The following ATXN1L variants were observed in gnomAD, a reference collection of about 807,000 sequenced individuals.
ATXN1L encodes ataxin-1-like.
In ATXN1L, 8 loss-of-function variants were observed where a neutral mutation model predicts 43.4. The observed-to-expected ratio is 0.18, with a 90% CI of 0.11 to 0.33. ATXN1L has a LOEUF of 0.33. Among genes scored for constraint, ATXN1L ranks in the 10% least tolerant of loss-of-function variants. ATXN1L has a pLI of 1.00. For missense variants in ATXN1L, 856 were observed against 885.4 expected, an observed-to-expected ratio of 0.97 and a Z score of 0.42; for synonymous variants, 379 against 360.6, an observed-to-expected ratio of 1.05 and a Z score of -0.58.
chr16:71,852,527 G>T lies in ATXN1L; in HGVS notation c.*717G>T, dbSNP rs2033514977. 1 of 167,160 alleles carries T rather than the reference G, an allele frequency of 6.0e-6. No homozygotes were observed. Among genetic ancestry groups the T allele is most frequent in the African/African-American group, 2.4e-5 (1 of 41,454 alleles). The allele number at this position is 167,160 out of a possible 1,614,324, so 10.4% of individuals were successfully genotyped here. ...CAGAGTGAAGTACTACCTTGCCAGG[G>T]ACTCAGTCAGGGGACTTTGGGAGAA... is the stretch of plus-strand genomic sequence containing the variant. On this transcript the variant is annotated 3_prime_UTR_variant, in exon 3 of 3. Coordinates refer to ENST00000427980, the MANE Select transcript of ATXN1L (RefSeq NM_001137675.4).
chr16:71,855,359 G>T lies in ATXN1L; in HGVS notation c.*3549G>T, dbSNP rs1045784145. On this transcript the variant is annotated 3_prime_UTR_variant, in exon 3 of 3. Coordinates refer to ENST00000427980, the MANE Select transcript of ATXN1L (RefSeq NM_001137675.4). ...GTTGTATTAACTTCTTTCCTTTGTG[G>T]TATCTTGTATCCTGTTTTAAAAACT... is the stretch of plus-strand genomic sequence containing the variant. 6.0e-6 allele frequency: 1 copy of T among 167,026 alleles called. No homozygotes were observed. Among genetic ancestry groups the T allele is most frequent in the African/African-American group, 2.4e-5 (1 of 41,442 alleles). The allele number at this position is 167,026 out of a possible 1,614,324, so 10.3% of individuals were successfully genotyped here. A position where few individuals can be genotyped will look rare whatever the true frequency, so the allele number is the denominator to read the frequency against.
rs1256114087 is a variant in ATXN1L at position 71,854,598 on chromosome 16, T to C, written c.*2788T>C. 1 of 167,052 alleles carries C rather than the reference T, an allele frequency of 6.0e-6. No homozygotes were observed. The highest frequency in any genetic ancestry group is 1.5e-5 in the Non-Finnish European group (1 of 68,114). 10.3% of individuals were successfully genotyped at this position (167,052 alleles called of 1,614,324 possible). A position where few individuals can be genotyped will look rare whatever the true frequency, so the allele number is the denominator to read the frequency against. On this transcript the variant is annotated 3_prime_UTR_variant, in exon 3 of 3. Coordinates refer to ENST00000427980, the MANE Select transcript of ATXN1L (RefSeq NM_001137675.4). Reference sequence around the variant, plus strand: ...CCAGGCATGAAAAATATGACTAACCTGTGGTGTGTCCATTCTTCCTTATAG... The same window carrying C: ...CCAGGCATGAAAAATATGACTAACCCGTGGTGTGTCCATTCTTCCTTATAG...
At position 71,852,027 on chromosome 16, in the gene ATXN1L, G is replaced by C. The variant is rs530157285; in HGVS notation, c.*217G>C. ...CAACCCCAGAGGGTGTTGTGATGGGGAGCAGCAGGCCTGGGGCAAGGAAGG... is the reference window on the plus strand; with the variant it reads ...CAACCCCAGAGGGTGTTGTGATGGGCAGCAGCAGGCCTGGGGCAAGGAAGG... On this transcript the variant is annotated 3_prime_UTR_variant, in exon 3 of 3. Coordinates refer to ENST00000427980, the MANE Select transcript of ATXN1L (RefSeq NM_001137675.4). 6 of 442,762 alleles carry C rather than the reference G, an allele frequency of 1.4e-5. No individual in the cohort carries two copies. Among genetic ancestry groups the C allele is most frequent in the Middle Eastern group, 6.1e-4 (1 of 1,628 alleles). 27.4% of individuals were successfully genotyped at this position (442,762 alleles called of 1,614,324 possible).
chr16:71,851,748 C>A lies in ATXN1L; in HGVS notation c.2008C>A (p.Pro670Thr). The A allele has an allele frequency of 6.9e-7, 1 of 1,451,128 alleles. No homozygotes were observed. Among genetic ancestry groups the A allele is most frequent in the Non-Finnish European group, 9.1e-7 (1 of 1,097,842 alleles). The allele number at this position is 1,451,128 out of a possible 1,614,324, so 89.9% of individuals were successfully genotyped here. A position where few individuals can be genotyped will look rare whatever the true frequency, so the allele number is the denominator to read the frequency against. The change falls in exon 3 of 3, where the codon CCC becomes ACC. Residue 670 changes from proline to threonine, a missense_variant. This residue lies in a region of ATXN1L where 185 missense variants were observed against 176.8 expected (regional missense o/e 1.05). Transcript: ENST00000427980. This position sits in a 1 kb window ranked among gnomAD's most constrained non-coding sequence, Gnocchi z 4.9. The part of the protein sequence containing the change: ...GEEARAALLR[P>T]SFIPQEVKLS... ...GGAGGCACGGGCTGCGCTGCTCCGT[C>A]CCTCTTTCATTCCACAGGAGGTAAA...
rs2033554436 is a variant in ATXN1L at position 71,856,644 on chromosome 16, A to G, written c.*4834A>G. 1 of 167,112 alleles carries G rather than the reference A, an allele frequency of 6.0e-6. No individual in the cohort carries two copies. Among genetic ancestry groups the G allele is most frequent in the South Asian group, 2.1e-4 (1 of 4,830 alleles). The allele number at this position is 167,112 out of a possible 1,614,324, so 10.4% of individuals were successfully genotyped here. ...GACTGACTGTACTCATGGCTAACTT[A>G]AAGTATTAAAATAAGGCTGTCCCCT... On this transcript the variant is annotated 3_prime_UTR_variant, in exon 3 of 3. Transcript: ENST00000427980.
rs1301076837 is a variant in ATXN1L, at chr16:71,853,587, G to A, written c.*1777G>A. 2.4e-5 allele frequency: 4 copies of A among 167,140 alleles called. No homozygotes were observed. The East Asian group carries it at 7.7e-4, about 32-fold the overall frequency. The allele number at this position is 167,140 out of a possible 1,614,324, so 10.4% of individuals were successfully genotyped here. ...GTCAAGGACTTTCGGCAAGTCTCGT[G>A]ACCTCTGGCTCTTTCACTTCCTCCC... is the stretch of plus-strand genomic sequence containing the variant. On this transcript the variant is annotated 3_prime_UTR_variant, in exon 3 of 3. Coordinates refer to ENST00000427980, the MANE Select transcript of ATXN1L (RefSeq NM_001137675.4).
Position 71,849,688 on chromosome 16 carries a change from G to A in ATXN1L, c.-53G>A, listed in dbSNP as rs2033477522. ...AAGCTACAGAGAAGCCCCTTCTGAT[G>A]CCCCAGGGAGCAAGTCGACTCCTTC... On this transcript the variant is annotated 5_prime_UTR_variant, in exon 3 of 3. It removes an upstream start codon present in the reference 5' UTR. Transcript: ENST00000427980. 6.9e-7 allele frequency: 1 copy of A among 1,453,582 alleles called. No homozygotes were observed. Among genetic ancestry groups the A allele is most frequent in the Admixed American group, 2.8e-5 (1 of 35,956 alleles). 90.0% of individuals were successfully genotyped at this position (1,453,582 alleles called of 1,614,324 possible).
At position 71,852,533 on chromosome 16, in the gene ATXN1L, G is replaced by A. The variant is rs966429124; in HGVS notation, c.*723G>A. On this transcript the variant is annotated 3_prime_UTR_variant, in exon 3 of 3. Transcript: ENST00000427980. ...GAAGTACTACCTTGCCAGGGACTCA[G>A]TCAGGGGACTTTGGGAGAAAGACTT... is the stretch of plus-strand genomic sequence containing the variant. The A allele has an allele frequency of 3.0e-5, 5 of 167,212 alleles. No individual in the cohort carries two copies. Among genetic ancestry groups the A allele is most frequent in the Admixed American group, 2.6e-4 (4 of 15,294 alleles). 10.4% of individuals were successfully genotyped at this position (167,212 alleles called of 1,614,324 possible).
In ATXN1L at chr16:71,851,245, G is replaced by C; in HGVS notation, c.1505G>C (p.Gly502Ala). 6.4e-7 allele frequency: 1 copy of C among 1,551,700 alleles called. No individual in the cohort carries two copies. Among genetic ancestry groups the C allele is most frequent in the Non-Finnish European group, 8.7e-7 (1 of 1,146,998 alleles). The change falls in exon 3 of 3, where the codon GGG becomes GCG. Residue 502 changes from glycine (G) to alanine (A), a missense_variant. Physicochemically the swap from Gly to Ala is moderately conservative, Grantham distance 60 (BLOSUM62 0). This residue lies in a region of ATXN1L where 54 missense variants were observed against 56.6 expected (regional missense o/e 0.95). Transcript: ENST00000427980. The surrounding 1 kb of genome is among the most constrained non-coding windows in gnomAD (Gnocchi z 4.9). ...DFVRSAEVSG[G>A]LKIDSSTVVD... is the part of the protein sequence containing the mutation. ...GTGCGCAGTGCCGAAGTGAGCGGGG[G>C]GCTGAAGATTGACTCTAGCACGGTC... is the stretch of plus-strand genomic sequence containing the variant.
In ATXN1L at chr16:71,853,081, C is replaced by T. The variant is rs565565132; in HGVS notation, c.*1271C>T. 1 of 167,318 alleles carries T rather than the reference C, an allele frequency of 6.0e-6. No individual in the cohort carries two copies. The highest frequency in any genetic ancestry group is 1.9e-4 in the East Asian group (1 of 5,192). The allele number at this position is 167,318 out of a possible 1,614,324, so 10.4% of individuals were successfully genotyped here. A position where few individuals can be genotyped will look rare whatever the true frequency, so the allele number is the denominator to read the frequency against. The stretch of plus-strand genomic sequence containing the variant: ...CACATGTCCCATATGCCCCTCCTGT[C>T]TTATTCCACTGCTTCTCCCAGCATT... On this transcript the variant is annotated 3_prime_UTR_variant, in exon 3 of 3. Transcript: ENST00000427980.
At chr16:71,848,902 A>C (rs1257192509) in intron 2 of ATXN1L, among the ~76,000 whole-genome samples, 1 of 152,150 alleles carries the variant, frequency 6.6e-6, no homozygotes, top group Non-Finnish European at 1.5e-5. Flanking sequence ...TGGTAGCAAA[A>C]GGAGAAACTT....
chr16:71,846,019 C>T lies in ATXN1L; in HGVS notation c.-265C>T. On this transcript the variant is annotated 5_prime_UTR_variant, in exon 1 of 3. Coordinates refer to ENST00000427980, the MANE Select transcript of ATXN1L (RefSeq NM_001137675.4). ...GTGGGGGGCGCTGGGTGTGGGGCGG[C>T]TCCGGGGCCGGGGATGGCGGCGGCC... 1 of 184,488 alleles carries T rather than the reference C, an allele frequency of 5.4e-6. No homozygotes were observed. Among genetic ancestry groups the T allele is most frequent in the Non-Finnish European group, 1.1e-5 (1 of 87,066 alleles). The allele number at this position is 184,488 out of a possible 1,614,324, so 11.4% of individuals were successfully genotyped here.
chr16:71,854,019 A>C lies in ATXN1L; in HGVS notation c.*2209A>C, dbSNP rs2033530172. The C allele has an allele frequency of 6.0e-6, 1 of 167,062 alleles. No homozygotes were observed. The highest frequency in any genetic ancestry group is 1.5e-5 in the Non-Finnish European group (1 of 68,116). 10.3% of individuals were successfully genotyped at this position (167,062 alleles called of 1,614,324 possible). On this transcript the variant is annotated 3_prime_UTR_variant, in exon 3 of 3. Transcript: ENST00000427980. ...TCTTGAGGAATCCCCTCAAATGAGA[A>C]GGCCTTGGGAGAAGGCCTCATCTCT...
Position 71,850,718 on chromosome 16 carries a change from A to G in ATXN1L, c.978A>G (p.Ala326=). The change falls in exon 3 of 3, where the codon GCA becomes GCG. Residue 326 remains alanine, a synonymous_variant. Coordinates refer to ENST00000427980, the MANE Select transcript of ATXN1L (RefSeq NM_001137675.4). ...QTPRVEVAAP[A]HRGTPDTDLE... ...CACGGGTAGAGGTAGCAGCACCAGC[A>G]CACCGGGGGACCCCGGACACTGACC... 1.3e-6 allele frequency: 2 copies of G among 1,551,720 alleles called. No individual in the cohort carries two copies. Among genetic ancestry groups the G allele is most frequent in the Middle Eastern group, 1.7e-4 (1 of 5,992 alleles).
In ATXN1L at chr16:71,852,198, T is replaced by C. The variant is rs570746452; in HGVS notation, c.*388T>C. ...GTAAAGAAAGAGCCAAAAATGATGA[T>C]CCACAGCTTATAGTAGCAGTTAAAC... On this transcript the variant is annotated 3_prime_UTR_variant, in exon 3 of 3. Transcript: ENST00000427980. The C allele has an allele frequency of 5.5e-6, 1 of 180,682 alleles. No individual in the cohort carries two copies. The highest frequency in any genetic ancestry group is 1.7e-4 in the East Asian group (1 of 5,862). 11.2% of individuals were successfully genotyped at this position (180,682 alleles called of 1,614,324 possible).
In ATXN1L at chr16:71,850,538, T is replaced by C. The variant is rs906566178; in HGVS notation, c.798T>C (p.Ala266=). 1 of 1,551,592 alleles carries C rather than the reference T, an allele frequency of 6.4e-7. No homozygotes were observed. The highest frequency in any genetic ancestry group is 1.4e-5 in the African/African-American group (1 of 73,026). The change falls in exon 3 of 3, where the codon GCT becomes GCC. Residue 266 remains alanine, a synonymous_variant. Transcript: ENST00000427980. ...AGAGCCAGTCTGCTCTGGAAGCAGCTGCTGCAAATGGAGGACAGAGACCAC... is the reference window on the plus strand; with the variant it reads ...AGAGCCAGTCTGCTCTGGAAGCAGCCGCTGCAAATGGAGGACAGAGACCAC... ...PQESQSALEA[A]AANGGQRPRE...
rs143123694 is a variant in ATXN1L, at chr16:71,850,034, A to G, written c.294A>G (p.Pro98=). ...PPATFSPTGL[P]SVVNMSPLPP... ...CCACCTTTTCACCAACTGGACTCCC[A>G]TCTGTGGTGAATATGAGTCCCTTGC... Residue 98 remains proline, a synonymous_variant, in exon 3 of 3, where the codon CCA becomes CCG. Coordinates refer to ENST00000427980, the MANE Select transcript of ATXN1L (RefSeq NM_001137675.4). 3.2e-5 allele frequency: 50 copies of G among 1,551,660 alleles called. No individual in the cohort carries two copies. The East Asian group carries it at 1.2e-3, about 36-fold the overall frequency.
At position 71,851,413 on chromosome 16, in the gene ATXN1L, G is replaced by T. The variant is rs1430590594; in HGVS notation, c.1673G>T (p.Gly558Val). 6 of 1,551,576 alleles carry T rather than the reference G, an allele frequency of 3.9e-6. No individual in the cohort carries two copies. Among genetic ancestry groups the T allele is most frequent in the Non-Finnish European group, 5.2e-6 (6 of 1,146,966 alleles). Residue 558 changes from glycine (G) to valine (V), a missense_variant, in exon 3 of 3, where the codon GGG becomes GTG. Physicochemically the swap from Gly to Val is moderately radical, Grantham distance 109. Around this residue, in one of 7 missense-constraint regions of ATXN1L, gnomAD observed 185 missense variants for 176.8 expected, o/e 1.05. Coordinates refer to ENST00000427980, the MANE Select transcript of ATXN1L (RefSeq NM_001137675.4). This position sits in a 1 kb window ranked among gnomAD's most constrained non-coding sequence, Gnocchi z 4.9. ...CAGGGTTGGTCCTCTTGCAGCCCTG[G>T]GCGGACGACACAACTCTTCTCTCTG... is the stretch of plus-strand genomic sequence containing the variant. ...YGQGWSSCSP[G>V]RTTQLFSLPC...
intron 1 of ATXN1L, 83 bp from the exon 2 acceptor site, chr16:71,847,927 C>T (rs920870340): frequency 2.3e-6 from 1 of 435,570 alleles, no homozygotes; most frequent in African/African-American, 2.0e-5. Context: ...TACTCTAATG[C>T]TTTGGAATTA....
Sources: gnomAD v4.1 joint callset for allele counts (sites outside exome capture counted in the v4.1 genomes callset) on GRCh38, gnomAD v4.1.1 for gene constraint, gnomAD v4.1.1 regional missense constraint, Gnocchi (gnomAD v3.1) non-coding constraint, MANE v1.5 for transcripts, NCBI Gene and HGNC (gene_info 2026-07-23, HGNC 2026-07-21) for gene names.